Variants in GRB14 observed in about 807,000 individuals in gnomAD.
GRB14 encodes the protein growth factor receptor-bound protein 14.
A neutral mutation model predicts 69.1 loss-of-function variants in GRB14; 38 were observed. The observed-to-expected ratio is 0.55, with a 90% CI of 0.42 to 0.72. GRB14 has a LOEUF of 0.72. Ranked by LOEUF, GRB14 falls within the 30% of genes least tolerant of loss-of-function variation. GRB14 has a pLI of 0.00. For missense variants in GRB14, 666 were observed against 666.1 expected (o/e 1.00, Z 0.00); for synonymous variants, 247 against 241.3 (o/e 1.02, Z -0.22).
chr2:164,495,433 A>G (rs1417822218), intron 12 of GRB14, among the ~76,000 whole-genome samples: 1 of 152,214 alleles, frequency 6.6e-6, no homozygotes, highest in Non-Finnish European at 1.5e-5. Flanking sequence ...ACATACTTTA[A>G]CCTTGAAGAA....
chr2:164,547,586 T>C, intron 3 of GRB14, 74 bp downstream of exon 3: 1 of 1,146,206 alleles, frequency 8.7e-7, no homozygotes, highest in Non-Finnish European at 1.2e-6. Flanking sequence ...AATCTAAGAA[T>C]TATTGGTGTT....
At chr2:164,573,597 A>T in intron 2 of GRB14, 1 of 1,208,378 alleles carries the variant, frequency 8.3e-7, no homozygotes, top group Admixed American at 2.6e-5. Flanking sequence ...GTCACCCTTT[A>T]TATAATAGTT....
intron 6 of GRB14, among the ~76,000 whole-genome samples, chr2:164,518,449 A>T (rs1234940005): frequency 6.6e-6 from 1 of 152,166 alleles, no homozygotes; most frequent in Non-Finnish European, 1.5e-5. Flanking sequence ...CTAAGGTCAT[A>T]CCTCAAGGAA....
chr2:164,581,941 C>A (rs1223575346), intron 2 of GRB14, among the ~76,000 whole-genome samples: 2 of 152,198 alleles, frequency 1.3e-5, no homozygotes, highest in Non-Finnish European at 1.5e-5. Flanking sequence ...TGTCTTCATT[C>A]TACTTGTCCT....
At chr2:164,600,801 T>C (rs1393397877) in intron 2 of GRB14, among the ~76,000 whole-genome samples, 1 of 152,190 alleles carries the variant, frequency 6.6e-6, no homozygotes, top group African/African-American at 2.4e-5. Context: ...AATCTCTAAA[T>C]ACTTAAATCA....
At chr2:164,567,336 G>C (rs552749456) in intron 2 of GRB14, among the ~76,000 whole-genome samples, 7 of 152,122 alleles carry the variant, frequency 4.6e-5, no homozygotes, top group African/African-American at 1.7e-4. Context: ...ATAGTAAAGA[G>C]GCACTTCGTT....
chr2:164,526,927 G>A, intron 4 of GRB14, 87 bp downstream of exon 4: 2 of 882,282 alleles, frequency 2.3e-6, no homozygotes, highest in Non-Finnish European at 3.3e-6. Flanking sequence ...GAATAGGACT[G>A]TATTTTATTT....
chr2:164,572,489 G>A (rs1029430883), intron 2 of GRB14, among the ~76,000 whole-genome samples: 22 of 152,148 alleles, frequency 1.4e-4, no homozygotes, highest in African/African-American at 4.8e-4. Flanking sequence ...AGGTGGGGAA[G>A]GAAGGAAAGA....
chr2:164,535,466 T>C (rs1479408155), intron 3 of GRB14, among the ~76,000 whole-genome samples: 3 of 152,290 alleles, frequency 2.0e-5, no homozygotes, highest in African/African-American at 7.2e-5. Context: ...GGAGCTCAAA[T>C]AGAAACCTGA....
At chr2:164,521,118 A>G (rs1361998610) in intron 6 of GRB14, among the ~76,000 whole-genome samples, 2 of 152,150 alleles carry the variant, frequency 1.3e-5, no homozygotes, top group African/African-American at 4.8e-5. Context: ...ATCCCCATCA[A>G]TCAACGAGTG....
Position 164,508,444 on chromosome 2 carries a change from G to A in GRB14, c.1023+11C>T, listed in dbSNP as rs373307662. Reference sequence around the variant, plus strand: ...GCAGTTAATAGAAATTCATGCCTCCGGCGAGATTACCTTAAGCAATCTAAT... The same window carrying A: ...GCAGTTAATAGAAATTCATGCCTCCAGCGAGATTACCTTAAGCAATCTAAT... On this transcript the variant is annotated intron_variant, in intron 8 of 13. Transcript: ENST00000263915. The A allele has an allele frequency of 8.1e-6, 13 of 1,607,746 alleles. No homozygotes were observed. Among genetic ancestry groups the A allele is most frequent in the Admixed American group, 1.7e-5 (1 of 59,940 alleles).
chr2:164,547,673 AGGCAGGTGCTCAAAAAG>A lies in GRB14; in HGVS notation c.451_467del (p.Leu151SerfsTer16). The A allele has an allele frequency of 6.2e-7, 1 of 1,613,406 alleles. No individual in the cohort carries two copies. Among genetic ancestry groups the A allele is most frequent in the Non-Finnish European group, 8.5e-7 (1 of 1,179,496 alleles). ...CCGTATCCTTACCTACACCTATGTG[AGGCAGGTGCTCAAAAAG>A]GGTCCAGCTGTGGTCATCAATGTAA... On this transcript the variant is annotated frameshift_variant, in exon 3 of 14. Coordinates refer to ENST00000263915, the MANE Select transcript of GRB14 (RefSeq NM_004490.3). LOFTEE classifies it high-confidence loss of function.
intron 6 of GRB14, among the ~76,000 whole-genome samples, chr2:164,514,725 C>A (rs1380604376): frequency 6.6e-6 from 1 of 152,090 alleles, no homozygotes; most frequent in East Asian, 1.9e-4. Context: ...ATCAGGAGTG[C>A]AAACACAGTA....
At chr2:164,529,615 G>T (rs1035611166) in intron 3 of GRB14, among the ~76,000 whole-genome samples, 3 of 152,036 alleles carry the variant, frequency 2.0e-5, no homozygotes, top group African/African-American at 7.2e-5. Context: ...CAGATAGCAG[G>T]GATTCTTTCT....
chr2:164,551,178 T>C (rs1487103466), intron 2 of GRB14, among the ~76,000 whole-genome samples: 2 of 152,244 alleles, frequency 1.3e-5, no homozygotes, highest in South Asian at 2.1e-4. Flanking sequence ...GGGTGGAAGA[T>C]GTTTTCTATA....
At chr2:164,510,656 T>C (rs761652872) in intron 6 of GRB14, among the ~76,000 whole-genome samples, 1 of 151,962 alleles carries the variant, frequency 6.6e-6, no homozygotes, top group Non-Finnish European at 1.5e-5. Flanking sequence ...ATTTAACATT[T>C]ACACCAAAAA....
At chr2:164,584,766 T>C (rs1689494645) in intron 2 of GRB14, among the ~76,000 whole-genome samples, 1 of 152,128 alleles carries the variant, frequency 6.6e-6, no homozygotes, top group South Asian at 2.1e-4. Context: ...CACCATACAA[T>C]GTCTTGTTCT....
intron 2 of GRB14, among the ~76,000 whole-genome samples, chr2:164,573,452 G>A (rs1689166713): frequency 6.6e-6 from 1 of 152,146 alleles, no homozygotes; most frequent in Admixed American, 6.5e-5. Context: ...AGCTCTATTA[G>A]TGACCACTAG....
At chr2:164,504,590 C>T (rs1268395019) in intron 8 of GRB14, among the ~76,000 whole-genome samples, 1 of 152,128 alleles carries the variant, frequency 6.6e-6, no homozygotes, top group African/African-American at 2.4e-5. Context: ...TGTCTCTTTC[C>T]TGTTTGGGTT....
Sources: gnomAD v4.1 joint callset for allele counts (sites outside exome capture counted in the v4.1 genomes callset) on GRCh38, gnomAD v4.1.1 for gene constraint, MANE v1.5 for transcripts, NCBI Gene and HGNC (gene_info 2026-07-23, HGNC 2026-07-21) for gene names.